Variants in COPS2 observed in about 807,000 individuals in gnomAD.
COPS2 encodes COP9 signalosome subunit 2.
Under a neutral mutation model 66.1 loss-of-function variants are expected in COPS2, and 10 were observed. The observed-to-expected ratio is 0.15, with a 90% CI of 0.09 to 0.26. The LOEUF (loss-of-function observed/expected upper bound fraction) is 0.26, where lower values mean the gene tolerates loss of function less well. Among genes scored for constraint, COPS2 ranks in the 10% least tolerant of loss-of-function variants. COPS2 has a pLI of 1.00. For synonymous variants in COPS2, 179 were observed against 171.3 expected (o/e 1.04, Z -0.35); for missense variants, 215 against 513.3 (o/e 0.42, Z 5.62).
intron 11 of COPS2, 113 bp downstream of exon 11, chr15:49,129,364 G>T: frequency 7.2e-6 from 3 of 417,582 alleles, no homozygotes; most frequent in Non-Finnish European, 8.5e-6. Context: ...TTTAAAAAAT[G>T]TATTATTATA....
intron 4 of COPS2, among the ~76,000 whole-genome samples, chr15:49,138,603 C>T (rs191081771): frequency 3.3e-5 from 5 of 152,230 alleles, no homozygotes; most frequent in Non-Finnish European, 7.4e-5. Flanking sequence ...TATAGCTTAA[C>T]TCTAGAATTA....
chr15:49,151,811 T>C (rs2084363784), intron 1 of COPS2, among the ~76,000 whole-genome samples: 1 of 151,924 alleles, frequency 6.6e-6, no homozygotes, highest in African/African-American at 2.4e-5. Context: ...GTTTCTTTTT[T>C]TTTTTTTTTA....
chr15:49,140,292 GC>G (rs1028452325), intron 3 of COPS2, among the ~76,000 whole-genome samples: 6 of 152,070 alleles, frequency 3.9e-5, no homozygotes, highest in African/African-American at 1.4e-4. Context: ...ACTGCACTCG[GC>G]CAAAATCCAA....
At chr15:49,150,247 C>CAA (rs11347765) in intron 1 of COPS2, among the ~76,000 whole-genome samples, 1 of 126,918 alleles carries the variant, frequency 7.9e-6, no homozygotes, top group Non-Finnish European at 1.7e-5. Context: ...GACTCTATCT[C>CAA]AAAAAAAAAA....
intron 11 of COPS2, among the ~76,000 whole-genome samples, 190 bp from the exon 12 acceptor site, chr15:49,128,950 C>T (rs1333726060): frequency 6.6e-6 from 1 of 152,130 alleles, no homozygotes; most frequent in African/African-American, 2.4e-5. Context: ...AAATTTTTAA[C>T]TTCTGAAGCA....
At chr15:49,153,440 T>TC (rs1255706982) in intron 1 of COPS2, among the ~76,000 whole-genome samples, 1 of 152,100 alleles carries the variant, frequency 6.6e-6, no homozygotes, top group Non-Finnish European at 1.5e-5. Context: ...AAAACAGAAC[T>TC]CTTCTACACT....
At chr15:49,137,970 T>G (rs967681818) in intron 4 of COPS2, 2 of 152,434 alleles carry the variant, frequency 1.3e-5, no homozygotes, top group East Asian at 1.9e-4. Context: ...GCCTACAATG[T>G]GGCAAACACT....
intron 12 of COPS2, 117 bp from the exon 13 acceptor site, chr15:49,128,211 T>C (rs1329943343): frequency 3.4e-6 from 3 of 874,340 alleles, no homozygotes; most frequent in African/African-American, 3.4e-5. Flanking sequence ...GCTGCCTACA[T>C]TAAATGAGTT....
At chr15:49,138,229 G>A (rs1410527775) in intron 4 of COPS2, among the ~76,000 whole-genome samples, 1 of 151,972 alleles carries the variant, frequency 6.6e-6, no homozygotes, top group Non-Finnish European at 1.5e-5. Context: ...TCTTCCCCCC[G>A]CTTCTGGCTT....
At chr15:49,145,315 T>C (rs935602902) in intron 1 of COPS2, among the ~76,000 whole-genome samples, 1 of 152,178 alleles carries the variant, frequency 6.6e-6, no homozygotes, top group Non-Finnish European at 1.5e-5. Context: ...ATTACTTTCT[T>C]TCAGATGAAA....
chr15:49,144,634 A>ATTATTCATAATAAT (rs1224565983), intron 2 of COPS2, among the ~76,000 whole-genome samples: 3 of 152,226 alleles, frequency 2.0e-5, no homozygotes, highest in Non-Finnish European at 4.4e-5. Flanking sequence ...CAAGAAATCA[A>ATTATTCATAATAAT]GCTATTCATA....
chr15:49,141,091 A>C (rs2141129098), intron 3 of COPS2, among the ~76,000 whole-genome samples: 1 of 152,340 alleles, frequency 6.6e-6, no homozygotes, highest in South Asian at 2.1e-4. Context: ...CATCCTGTCA[A>C]TGAGCTGCTA....
rs543697288 is a variant in COPS2, at chr15:49,140,498, C to A, written c.247-845G>T. On this transcript the variant is annotated intron_variant, in intron 3 of 12. Transcript: ENST00000388901. ...ATACTCGTTTCAAGTCAAGAAAAGA[C>A]CCCCCATCTAAGGTTCTATTCAAAA... Among the ~76,000 whole-genome samples the A allele has an allele frequency of 1.4e-3, 216 of 152,164 alleles. 1 individual carries two copies. Among genetic ancestry groups the A allele is most frequent in the Admixed American group, 3.7e-3 (57 of 15,284 alleles).
chr15:49,153,846 G>T (rs2084380043), intron 1 of COPS2, among the ~76,000 whole-genome samples: 1 of 152,142 alleles, frequency 6.6e-6, no homozygotes, highest in Non-Finnish European at 1.5e-5. Context: ...TGATTTCACG[G>T]TGGTAGAGAG....
intron 1 of COPS2, among the ~76,000 whole-genome samples, 160 bp from the exon 2 acceptor site, chr15:49,145,238 T>C (rs1216183556): frequency 6.6e-6 from 1 of 152,210 alleles, no homozygotes; most frequent in African/African-American, 2.4e-5. Context: ...TCAACTGTTA[T>C]ATAAAACCAG....
chr15:49,146,114 G>C (rs184397746), intron 1 of COPS2, among the ~76,000 whole-genome samples: 3 of 152,134 alleles, frequency 2.0e-5, no homozygotes, highest in African/African-American at 7.2e-5. Context: ...GGTATGCTGT[G>C]TATAATAAGT....
rs896106809 is a variant in COPS2 at position 49,126,069 on chromosome 15, A to C, written c.*1881T>G. The C allele has an allele frequency of 1.3e-5, 2 of 152,542 alleles. No individual in the cohort carries two copies. The highest frequency in any genetic ancestry group is 4.8e-5 in the African/African-American group (2 of 41,466). The allele number at this position is 152,542 out of a possible 1,614,324, so 9.4% of individuals were successfully genotyped here. A position where few individuals can be genotyped will look rare whatever the true frequency, so the allele number is the denominator to read the frequency against. Reference sequence around the variant, plus strand: ...CTCATCATTTTTATTTGGATAACAAAGGGTCTCCAAATTATATTGAAAAAT... The same window carrying C: ...CTCATCATTTTTATTTGGATAACAACGGGTCTCCAAATTATATTGAAAAAT... On this transcript the variant is annotated 3_prime_UTR_variant, in exon 13 of 13. Transcript: ENST00000388901.
At chr15:49,153,998 C>T (rs942711937) in intron 1 of COPS2, among the ~76,000 whole-genome samples, 2 of 151,994 alleles carry the variant, frequency 1.3e-5, no homozygotes, top group Non-Finnish European at 2.9e-5. Flanking sequence ...ATGGTTAAAA[C>T]GTATTTTATA....
Position 49,155,554 on chromosome 15 carries a change from T to A in COPS2, c.25A>T (p.Met9Leu). Residue 9 changes from methionine to leucine, a missense_variant, in exon 1 of 13, where the codon ATG becomes TTG. Physicochemically the swap from Met to Leu is conservative, Grantham distance 15. This residue lies in a region of COPS2 where 27 missense variants were observed against 21.5 expected (regional missense o/e 1.25). Transcript: ENST00000388901. ...TCGTAGTCCTCCTCATCATCGCACA[T>A]GAAATCATCCTCCATGTCAGACATC... MSDMEDDFMCDDEEDYDLE... is the reference protein window; with the variant it reads MSDMEDDFLCDDEEDYDLE... 2 of 1,614,130 alleles carry A rather than the reference T, an allele frequency of 1.2e-6. No individual in the cohort carries two copies. Among genetic ancestry groups the A allele is most frequent in the South Asian group, 1.1e-5 (1 of 91,076 alleles).
Sources: gnomAD v4.1 joint callset for allele counts (sites outside exome capture counted in the v4.1 genomes callset) on GRCh38, gnomAD v4.1.1 for gene constraint, gnomAD v4.1.1 regional missense constraint, MANE v1.5 for transcripts, NCBI Gene and HGNC (gene_info 2026-07-23, HGNC 2026-07-21) for gene names.